Variants in DCHS2 observed in about 807,000 individuals in gnomAD.
DCHS2 encodes dachsous cadherin-related 2, also known as protocadherin-23.
Under a neutral mutation model 182.4 loss-of-function variants are expected in DCHS2, and 142 were observed. The observed-to-expected ratio is 0.78, with a 90% CI of 0.68 to 0.89. DCHS2 has a LOEUF of 0.89. DCHS2 is among the 40% of genes least tolerant of loss of function. The pLI is 0.00. For synonymous variants in DCHS2, 1,740 were observed against 1,663.3 expected (o/e 1.05, Z -1.12); for missense variants, 4,319 against 4,198.6 (o/e 1.03, Z -0.79).
chr4:154,396,924 T>A (rs6814824), intron 1 of DCHS2, among the ~76,000 whole-genome samples: 3,929 of 152,270 alleles, frequency 0.026, 149 homozygotes, highest in South Asian at 0.14. Context: ...CCTATTTGAT[T>A]TACTTATATA....
At chr4:154,456,861 G>A (rs540756717) in intron 1 of DCHS2, among the ~76,000 whole-genome samples, 5 of 151,938 alleles carry the variant, frequency 3.3e-5, no homozygotes, top group Non-Finnish European at 7.4e-5. Context: ...AATATATTTG[G>A]GCTATAAGTA....
At chr4:154,386,503 C>G (rs1472672800) in intron 1 of DCHS2, among the ~76,000 whole-genome samples, 2 of 152,048 alleles carry the variant, frequency 1.3e-5, no homozygotes. Flanking sequence ...TTTTCTTAAC[C>G]CTGCTTTGCT....
At chr4:154,416,326 G>A (rs182066320) in intron 1 of DCHS2, among the ~76,000 whole-genome samples, 25 of 152,314 alleles carry the variant, frequency 1.6e-4, no homozygotes, top group African/African-American at 5.8e-4. Flanking sequence ...CCAGAGGGAC[G>A]CAGTTGACCT....
At chr4:154,462,682 G>A (rs932346956) in intron 1 of DCHS2, among the ~76,000 whole-genome samples, 1 of 152,130 alleles carries the variant, frequency 6.6e-6, no homozygotes, top group Non-Finnish European at 1.5e-5. Flanking sequence ...TGCTTAGGGA[G>A]ATTTAGCAAC....
Position 154,321,226 on chromosome 4 carries a change from A to C in DCHS2, c.4177-4T>G. 1 of 1,495,264 alleles carries C rather than the reference A, an allele frequency of 6.7e-7. No homozygotes were observed. Among genetic ancestry groups the C allele is most frequent in the South Asian group, 1.4e-5 (1 of 69,780 alleles). 92.6% of individuals were successfully genotyped at this position (1,495,264 alleles called of 1,614,324 possible). A position where few individuals can be genotyped will look rare whatever the true frequency, so the allele number is the denominator to read the frequency against. On this transcript the variant is annotated splice_region_variant and splice_polypyrimidine_tract_variant and intron_variant, in intron 8 of 19. Coordinates refer to ENST00000357232, the MANE Select transcript of DCHS2 (RefSeq NM_001358235.2). The stretch of plus-strand genomic sequence containing the variant: ...TCCCTTTGGATAGTGGGATCACCTG[A>C]AATACGAATAAAAGAGATATTAATT...
At chr4:154,240,870 T>C in intron 17 of DCHS2, 47 bp from the exon 18 acceptor site, 1 of 1,595,542 alleles carries the variant, frequency 6.3e-7, no homozygotes, top group Non-Finnish European at 8.5e-7. Flanking sequence ...ATTCATCCTT[T>C]GAAATACATT....
intron 17 of DCHS2, 131 bp from the exon 18 acceptor site, chr4:154,240,954 T>A: frequency 2.9e-6 from 4 of 1,390,014 alleles, no homozygotes; most frequent in Non-Finnish European, 1.9e-6. Flanking sequence ...TGATTTCTCA[T>A]ACAAAGCTCA....
chr4:154,477,833 T>G (rs1446518980), intron 1 of DCHS2, among the ~76,000 whole-genome samples: 1 of 152,218 alleles, frequency 6.6e-6, no homozygotes, highest in Non-Finnish European at 1.5e-5. Context: ...TATCATGTGG[T>G]CAGAGCTTGC....
chr4:154,254,226 A>T (rs1418332602), intron 16 of DCHS2, among the ~76,000 whole-genome samples: 2 of 152,216 alleles, frequency 1.3e-5, no homozygotes, highest in African/African-American at 4.8e-5. Flanking sequence ...AAAAGAGCTA[A>T]GCCTCTCTTG....
At chr4:154,422,027 G>A (rs1274637121) in intron 1 of DCHS2, among the ~76,000 whole-genome samples, 1 of 152,052 alleles carries the variant, frequency 6.6e-6, no homozygotes, top group Admixed American at 6.5e-5. Flanking sequence ...CTTCATGTTG[G>A]AAAGTTTCTT....
At position 154,239,080 on chromosome 4, in the gene DCHS2, A is replaced by G. The variant is rs1224591153; in HGVS notation, c.7492+90T>C. ...TCCATGCGGGGTGGGGAGGTGGGGA[A>G]CTTTTATAGAGGCATTTAGAAAGGG... On this transcript the variant is annotated intron_variant, in intron 19 of 19. Transcript: ENST00000357232. 3.4e-6 allele frequency: 5 copies of G among 1,490,406 alleles called. No individual in the cohort carries two copies. In the South Asian group the frequency reaches 6.9e-5, roughly 20 times the overall value. 92.3% of individuals were successfully genotyped at this position (1,490,406 alleles called of 1,614,324 possible).
chr4:154,331,990 T>G (rs1053806796), intron 5 of DCHS2, among the ~76,000 whole-genome samples: 1 of 152,256 alleles, frequency 6.6e-6, no homozygotes, highest in Non-Finnish European at 1.5e-5. Context: ...AAAGGATATA[T>G]ATTCTTAGAG....
chr4:154,384,296 C>T (rs1444529830), intron 1 of DCHS2: 3 of 1,565,294 alleles, frequency 1.9e-6, no homozygotes, highest in Non-Finnish European at 1.7e-6. Context: ...GTCATTGCCT[C>T]CTTATTGAAA....
At chr4:154,436,583 T>C (rs1409931928) in intron 1 of DCHS2, among the ~76,000 whole-genome samples, 1 of 152,202 alleles carries the variant, frequency 6.6e-6, no homozygotes. Context: ...AGAAATTTAT[T>C]TTGGAGTATG....
intron 3 of DCHS2, among the ~76,000 whole-genome samples, chr4:154,365,829 T>A (rs1730324557): frequency 6.6e-6 from 1 of 151,154 alleles, no homozygotes; most frequent in South Asian, 2.1e-4. Flanking sequence ...TTTTTTTTTT[T>A]AATAGAACCA....
At chr4:154,457,204 G>A (rs1403200179) in intron 1 of DCHS2, among the ~76,000 whole-genome samples, 5 of 152,028 alleles carry the variant, frequency 3.3e-5, no homozygotes, top group Non-Finnish European at 5.9e-5. Flanking sequence ...ACAGGCCTCC[G>A]TAAACCCAAA....
At chr4:154,286,786 A>G (rs917088061) in intron 13 of DCHS2, among the ~76,000 whole-genome samples, 1 of 152,168 alleles carries the variant, frequency 6.6e-6, no homozygotes, top group African/African-American at 2.4e-5. Flanking sequence ...GTAAGAGTAC[A>G]AAGTTTATTC....
intron 3 of DCHS2, among the ~76,000 whole-genome samples, chr4:154,358,658 CTTG>C (rs1729980117): frequency 6.6e-6 from 1 of 152,010 alleles, no homozygotes; most frequent in East Asian, 1.9e-4. Context: ...TAGGATAAAG[CTTG>C]TTGTTCTATA....
At chr4:154,383,412 C>G (rs1276499627) in intron 1 of DCHS2, among the ~76,000 whole-genome samples, 1 of 152,180 alleles carries the variant, frequency 6.6e-6, no homozygotes, top group Admixed American at 6.5e-5. Context: ...CAAACCTCAG[C>G]ATCACACAAT....
Sources: allele counts gnomAD v4.1 joint callset (sites outside exome capture counted in the v4.1 genomes callset), GRCh38; gene constraint gnomAD v4.1.1; transcripts MANE v1.5; gene names NCBI Gene and HGNC (gene_info 2026-07-23, HGNC 2026-07-21).